Variants in COG7 observed in about 807,000 individuals in gnomAD.
COG7 encodes the protein component of oligomeric golgi complex 7, also known as conserved oligomeric Golgi complex subunit 7.
Under a neutral mutation model 91.5 loss-of-function variants are expected in COG7, and 49 were observed. That is an observed-to-expected ratio of 0.54 (90% CI 0.43 to 0.68). The LOEUF is 0.68. Among genes scored for constraint, COG7 ranks in the 30% least tolerant of loss-of-function variants. COG7 has a pLI of 0.00. For missense variants in COG7, 895 were observed against 961.3 expected (o/e 0.93, Z 0.91); for synonymous variants, 365 against 388.7 (o/e 0.94, Z 0.72).
intron 13 of COG7, among the ~76,000 whole-genome samples, chr16:23,403,118 T>C (rs558125970): frequency 2.2e-4 from 34 of 151,666 alleles, no homozygotes; most frequent in Middle Eastern, 3.4e-3. Flanking sequence ...GTAGAGAAAA[T>C]AGAACAGGCA....
intron 9 of COG7, chr16:23,415,219 G>C (rs1963634060): frequency 6.6e-6 from 1 of 152,232 alleles, no homozygotes; most frequent in Non-Finnish European, 1.5e-5. Flanking sequence ...ACTGACAGGG[G>C]AATGTTAAGG....
chr16:23,397,066 G>T (rs540778819), intron 14 of COG7, among the ~76,000 whole-genome samples: 87 of 152,132 alleles, frequency 5.7e-4, no homozygotes, highest in Non-Finnish European at 1.0e-3. Flanking sequence ...ACACCACCAT[G>T]CCTGGATAAT....
chr16:23,403,887 T>C, intron 12 of COG7, 53 bp from the exon 13 acceptor site: 1 of 1,610,114 alleles, frequency 6.2e-7, no homozygotes, highest in South Asian at 1.1e-5. Flanking sequence ...CCAACCCAAG[T>C]ATTAGCTAGT....
intron 16 of COG7, chr16:23,389,931 G>A (rs1044861507): frequency 6.6e-6 from 1 of 152,196 alleles, no homozygotes; most frequent in Non-Finnish European, 1.5e-5. Flanking sequence ...CCTCAGAGAA[G>A]CCCTTCTACC....
intron 8 of COG7, 29 bp downstream of exon 8, chr16:23,418,671 T>A: frequency 6.2e-7 from 1 of 1,610,828 alleles, no homozygotes; most frequent in Non-Finnish European, 8.5e-7. Flanking sequence ...GAATGCTTCC[T>A]CAGTGGCCCC....
At chr16:23,442,742 T>C (rs1409461212) in intron 3 of COG7, 97 bp from the exon 4 acceptor site, 1 of 1,097,940 alleles carries the variant, frequency 9.1e-7, no homozygotes, top group Non-Finnish European at 1.4e-6. Context: ...TCATCAAGTA[T>C]GAAAATGGGG....
In COG7 at chr16:23,392,461, T is replaced by C; in HGVS notation, c.2065A>G (p.Thr689Ala). 6 of 1,614,192 alleles carry C rather than the reference T, an allele frequency of 3.7e-6. No homozygotes were observed. Among genetic ancestry groups the C allele is most frequent in the Non-Finnish European group, 5.1e-6 (6 of 1,180,044 alleles). ...DNWLGSIARA[T>A]MQTYCDAILQ... ...ATCGCATCACAGTAGGTCTGCATTG[T>C]GGCTCTGGCGATCGAGCCCAGCCAG... The change falls in exon 16 of 17, where the codon ACA becomes GCA. Residue 689 changes from threonine (T) to alanine (A), a missense_variant. Thr to Ala is a moderately conservative substitution (Grantham distance 58). Coordinates refer to ENST00000307149, the MANE Select transcript of COG7 (RefSeq NM_153603.4).
intron 4 of COG7, chr16:23,441,961 T>G (rs1964108106): frequency 6.4e-6 from 1 of 155,206 alleles, no homozygotes; most frequent in Non-Finnish European, 1.4e-5. Flanking sequence ...CAGAAGACAA[T>G]GAAGAATTCT....
At chr16:23,434,957 G>A (rs1409639027) in intron 4 of COG7, among the ~76,000 whole-genome samples, 1 of 152,208 alleles carries the variant, frequency 6.6e-6, no homozygotes, top group Non-Finnish European at 1.5e-5. Context: ...ATGATACTGA[G>A]AGGTTATTTA....
chr16:23,421,386 A>C (rs1197981446), intron 7 of COG7, among the ~76,000 whole-genome samples: 2 of 150,948 alleles, frequency 1.3e-5, no homozygotes, highest in Non-Finnish European at 2.9e-5. Flanking sequence ...TTTGTGTCAC[A>C]GATTTCTATA....
Position 23,389,101 on chromosome 16 carries a change from AG to A in COG7, c.2147-16del. On this transcript the variant is annotated splice_polypyrimidine_tract_variant and intron_variant, in intron 16 of 16. Transcript: ENST00000307149. ...GATCAGATAGTCTGTGGGGGCGGAG[AG>A]GAGACAGACAGAGCTCCACAGACTC... 1 of 1,613,004 alleles carries A rather than the reference AG, an allele frequency of 6.2e-7. No individual in the cohort carries two copies. Among genetic ancestry groups the A allele is most frequent in the Non-Finnish European group, 8.5e-7 (1 of 1,179,722 alleles).
At chr16:23,392,083 G>A (rs1456138161) in intron 16 of COG7, 1 of 1,306,092 alleles carries the variant, frequency 7.7e-7, no homozygotes, top group East Asian at 3.6e-5. Context: ...CACAAATGGA[G>A]CGGGCCAGGT....
rs1185945945 is a variant in COG7, at chr16:23,399,505, C to T, written c.1804-1376G>A. ...CTCCTTGCTCTCTAGAAGGGAGCTA[C>T]TTGGGGAAGCAAGACCCCCTGACAT... On this transcript the variant is annotated intron_variant, in intron 13 of 16. Transcript: ENST00000307149. Among the ~76,000 whole-genome samples, 3 of 152,236 alleles carry T rather than the reference C, an allele frequency of 2.0e-5. No individual in the cohort carries two copies. In the East Asian group the frequency reaches 5.8e-4, roughly 29 times the overall value.
At chr16:23,401,576 G>C (rs30016) in intron 13 of COG7, among the ~76,000 whole-genome samples, 1 of 151,992 alleles carries the variant, frequency 6.6e-6, no homozygotes, top group Non-Finnish European at 1.5e-5. Context: ...GTGAGGGAGG[G>C]GACAGGAGAG....
chr16:23,437,788 C>A (rs1964034249), intron 4 of COG7, among the ~76,000 whole-genome samples: 1 of 152,132 alleles, frequency 6.6e-6, no homozygotes, highest in Admixed American at 6.5e-5. Flanking sequence ...TGGACTACAA[C>A]AAAATTAAAA....
At chr16:23,390,654 T>G (rs1963179700) in intron 16 of COG7, among the ~76,000 whole-genome samples, 1 of 152,186 alleles carries the variant, frequency 6.6e-6, no homozygotes, top group Non-Finnish European at 1.5e-5. Context: ...TTGCCCAGGT[T>G]GGCCTCAAAC....
At chr16:23,397,045 G>C (rs1423321324) in intron 14 of COG7, among the ~76,000 whole-genome samples, 1 of 152,094 alleles carries the variant, frequency 6.6e-6, no homozygotes, top group Admixed American at 6.5e-5. Context: ...AAGTAGCTGG[G>C]ACCACAGGAC....
intron 6 of COG7, among the ~76,000 whole-genome samples, chr16:23,428,370 A>T (rs1441063000): frequency 6.6e-6 from 1 of 151,844 alleles, no homozygotes; most frequent in Non-Finnish European, 1.5e-5. Flanking sequence ...AATAAAAAAT[A>T]AAAAAAACCT....
rs186269824 is a variant in COG7 at position 23,413,246 on chromosome 16, G to A, written c.1409+202C>T. ...AAGAACTTTTAAAAATATCTTAAGA[G>A]CTGGAGGGGTCTTTTTGTTGGTTGG... On this transcript the variant is annotated intron_variant, in intron 10 of 16. Transcript: ENST00000307149. The A allele has an allele frequency of 5.4e-3, 2,960 of 548,916 alleles. 16 individuals are homozygous for A. Among genetic ancestry groups the A allele is most frequent in the Non-Finnish European group, 6.5e-3 (1,961 of 303,662 alleles). The allele number at this position is 548,916 out of a possible 1,614,324, so 34.0% of individuals were successfully genotyped here.
Sources: allele counts gnomAD v4.1 joint callset (sites outside exome capture counted in the v4.1 genomes callset), GRCh38; gene constraint gnomAD v4.1.1; transcripts MANE v1.5; gene names NCBI Gene and HGNC (gene_info 2026-07-23, HGNC 2026-07-21).